PCSK5: variants seen among roughly 807,000 people sequenced by gnomAD.
PCSK5 encodes the protein prohormone convertase 5.
In PCSK5, 129 loss-of-function variants were observed where a neutral mutation model predicts 233.2. The observed-to-expected ratio is 0.55, with a 90% CI of 0.48 to 0.64. The LOEUF (loss-of-function observed/expected upper bound fraction) is 0.64, where lower values mean the gene tolerates loss of function less well. Among genes scored for constraint, PCSK5 ranks in the 30% least tolerant of loss-of-function variants. The pLI is 0.00. For missense variants in PCSK5, 2,076 were observed against 2,430.1 expected (o/e 0.85, Z 3.06); for synonymous variants, 825 against 879.2 (o/e 0.94, Z 1.09).
chr9:76,027,534 GAAGAAGGCATTACCTTT>G (rs1828480516), intron 5 of PCSK5, among the ~76,000 whole-genome samples: 3 of 152,010 alleles, frequency 2.0e-5, no homozygotes, highest in Non-Finnish European at 4.4e-5. Flanking sequence ...ATTGCCAACT[GAAGAAGGCATTACCTTT>G]CTTATTCCCC....
intron 3 of PCSK5, among the ~76,000 whole-genome samples, chr9:76,010,432 T>C (rs1427170819): frequency 1.3e-5 from 2 of 152,062 alleles, no homozygotes; most frequent in African/African-American, 2.4e-5. Context: ...TTGTTTGTCT[T>C]AGTTAGAATC....
intron 5 of PCSK5, among the ~76,000 whole-genome samples, chr9:76,050,146 A>C (rs948063927): frequency 5.9e-5 from 9 of 152,198 alleles, no homozygotes; most frequent in Non-Finnish European, 1.3e-4. Flanking sequence ...AGAAAAATTA[A>C]TTATGAGTCA....
At chr9:76,120,901 G>GT (rs1042580972) in intron 9 of PCSK5, among the ~76,000 whole-genome samples, 7 of 152,122 alleles carry the variant, frequency 4.6e-5, no homozygotes, top group African/African-American at 1.7e-4. Context: ...TTTAATTGGA[G>GT]TTTTTTCATC....
chr9:76,193,439 AAAGC>A, intron 20 of PCSK5: 2 of 1,060,606 alleles, frequency 1.9e-6, no homozygotes, highest in Admixed American at 3.4e-5. Context: ...AAAAAAAAAA[AAAGC>A]AAGCCACCTC....
intron 24 of PCSK5, among the ~76,000 whole-genome samples, chr9:76,257,769 G>T (rs1249262483): frequency 1.3e-5 from 2 of 152,200 alleles, no homozygotes; most frequent in Non-Finnish European, 2.9e-5. Context: ...GGAAGGCAAG[G>T]GGTATCCAGG....
intron 14 of PCSK5, among the ~76,000 whole-genome samples, chr9:76,177,752 G>A (rs561550459): frequency 2.0e-5 from 3 of 152,082 alleles, no homozygotes; most frequent in Non-Finnish European, 4.4e-5. Context: ...ATATCTTTGT[G>A]GTTTTTCTGA....
chr9:75,970,048 T>C (rs900134277), intron 2 of PCSK5, among the ~76,000 whole-genome samples: 1 of 151,926 alleles, frequency 6.6e-6, no homozygotes, highest in African/African-American at 2.4e-5. Flanking sequence ...TAATTTTGTA[T>C]GTTTAGTAGC....
Position 76,311,980 on chromosome 9 carries a change from A to G in PCSK5, c.3884+1129A>G, listed in dbSNP as rs76553717. ...AGATTTTTATTCTAATCTCAGTCGC[A>G]AGAATGCATCACTGATACCTCCCTA... On this transcript the variant is annotated intron_variant, in intron 30 of 37. Transcript: ENST00000674117. 5.1e-3 allele frequency among the ~76,000 whole-genome samples: 773 copies of G among 152,320 alleles called. 40 individuals are homozygous for G. The East Asian group carries it at 0.11, about 22-fold the overall frequency.
chr9:76,136,635 T>C (rs1200058306), intron 10 of PCSK5, among the ~76,000 whole-genome samples: 1 of 152,058 alleles, frequency 6.6e-6, no homozygotes, highest in Non-Finnish European at 1.5e-5. Flanking sequence ...AAAATATATG[T>C]ATGAAATGAA....
At chr9:76,351,496 GA>G (rs1309197277) in intron 36 of PCSK5, among the ~76,000 whole-genome samples, 2 of 97,692 alleles carry the variant, frequency 2.0e-5, no homozygotes, top group African/African-American at 3.6e-5. Context: ...AAGAAAGAAA[GA>G]AAGAAAGAAA....
At chr9:76,319,881 A>T (rs1443358230) in intron 30 of PCSK5, among the ~76,000 whole-genome samples, 1 of 152,174 alleles carries the variant, frequency 6.6e-6, no homozygotes, top group African/African-American at 2.4e-5. Context: ...GATCTTTCTT[A>T]TAAGTGCAGA....
chr9:76,049,645 C>A (rs985226624), intron 5 of PCSK5, among the ~76,000 whole-genome samples: 4 of 152,146 alleles, frequency 2.6e-5, no homozygotes, highest in Admixed American at 1.3e-4. Context: ...GCAGAAGAAG[C>A]TTAGTAACCC....
At chr9:75,981,865 A>G (rs531994550) in intron 2 of PCSK5, among the ~76,000 whole-genome samples, 41 of 152,252 alleles carry the variant, frequency 2.7e-4, no homozygotes, top group Admixed American at 1.2e-3. Context: ...GCCCAGCCTT[A>G]GTCATATTTG....
At chr9:76,240,573 T>TTGTAG in intron 23 of PCSK5, 43 bp from the exon 24 acceptor site, 1 of 1,331,278 alleles carries the variant, frequency 7.5e-7, no homozygotes, top group Non-Finnish European at 1.1e-6. Context: ...GTGTCTCCAC[T>TTGTAG]CAATGGAAAT....
intron 1 of PCSK5, among the ~76,000 whole-genome samples, chr9:75,916,297 A>G (rs989099935): frequency 6.6e-6 from 1 of 152,180 alleles, no homozygotes. Flanking sequence ...TTCTCTTGCT[A>G]TTAGTATAAA....
chr9:76,237,613 C>CA (rs773927138), intron 22 of PCSK5, among the ~76,000 whole-genome samples: 14,996 of 128,194 alleles, frequency 0.12, 864 homozygotes, highest in Non-Finnish European at 0.15. Flanking sequence ...ACAAAACATA[C>CA]AAAAAAAAAA....
At chr9:76,133,497 T>A (rs1822845253) in intron 9 of PCSK5, among the ~76,000 whole-genome samples, 1 of 152,046 alleles carries the variant, frequency 6.6e-6, no homozygotes, top group East Asian at 1.9e-4. Flanking sequence ...TAACTACCCA[T>A]TGCAAATTAA....
chr9:76,106,535 T>C (rs1831985925), intron 8 of PCSK5, among the ~76,000 whole-genome samples: 1 of 152,248 alleles, frequency 6.6e-6, no homozygotes, highest in Admixed American at 6.5e-5. Context: ...GACTTAGTTC[T>C]CACATTTTGA....
intron 24 of PCSK5, among the ~76,000 whole-genome samples, chr9:76,271,265 G>GA (rs1827503548): frequency 6.6e-6 from 1 of 152,106 alleles, no homozygotes; most frequent in African/African-American, 2.4e-5. Flanking sequence ...GGCCAAAAGG[G>GA]AAAATATGAA....
Sources: allele counts gnomAD v4.1 joint callset (sites outside exome capture counted in the v4.1 genomes callset), GRCh38; gene constraint gnomAD v4.1.1; transcripts MANE v1.5; gene names NCBI Gene and HGNC (gene_info 2026-07-23, HGNC 2026-07-21).